FAM227B: variants seen among roughly 807,000 people sequenced by gnomAD.
FAM227B encodes the protein family with sequence similarity 227 member B, also known as protein FAM227B.
In FAM227B, 88 loss-of-function variants were observed where a neutral mutation model predicts 73.8. The observed-to-expected ratio is 1.19, with a 90% CI of 1.00 to 1.42. FAM227B has a LOEUF of 1.42. Ranked by LOEUF, FAM227B falls within the 40% of genes most tolerant of loss-of-function variation. The pLI is 0.00. For synonymous variants in FAM227B, 210 were observed against 190.5 expected (o/e 1.10, Z -0.84); for missense variants, 632 against 590.9 (o/e 1.07, Z -0.72).
intron 11 of FAM227B, among the ~76,000 whole-genome samples, chr15:49,490,317 C>T (rs1027289128): frequency 1.3e-5 from 2 of 151,754 alleles, no homozygotes. Flanking sequence ...CAAAAGTTCT[C>T]CCTCCCCCAC....
intron 11 of FAM227B, among the ~76,000 whole-genome samples, chr15:49,438,568 T>C (rs1435180807): frequency 1.3e-5 from 2 of 151,680 alleles, no homozygotes; most frequent in Non-Finnish European, 3.0e-5. Context: ...ATACACATTA[T>C]ATATAGCATA....
intron 12 of FAM227B, among the ~76,000 whole-genome samples, chr15:49,370,550 T>C (rs987803951): frequency 1.3e-5 from 2 of 152,232 alleles, no homozygotes; most frequent in African/African-American, 4.8e-5. Flanking sequence ...GAAGATATTT[T>C]ATTAAACTTG....
At chr15:49,367,694 TAA>T in intron 12 of FAM227B, 86 bp from the exon 13 acceptor site, 1 of 1,235,020 alleles carries the variant, frequency 8.1e-7, no homozygotes, top group Non-Finnish European at 1.1e-6. Context: ...ATATTTAGCA[TAA>T]AGTTACCATT....
intron 10 of FAM227B, among the ~76,000 whole-genome samples, chr15:49,525,657 G>T (rs2060112890): frequency 1.2e-5 from 1 of 80,058 alleles, no homozygotes. Context: ...AAAGTTAAAG[G>T]GTGGAGAAAT....
At chr15:49,512,631 G>A (rs2059091114) in intron 10 of FAM227B, among the ~76,000 whole-genome samples, 1 of 152,070 alleles carries the variant, frequency 6.6e-6, no homozygotes, top group East Asian at 1.9e-4. Flanking sequence ...AGAATGTGCA[G>A]GTTTGTTACA....
rs1347550479 is a variant in FAM227B, at chr15:49,544,298, T to C, written c.748-2492A>G. ...AAAACGGACTGAGTTCTTCATTTGA[T>C]TCTCAGCTTGGTTGTTGTTGGTGTA... On this transcript the variant is annotated intron_variant, in intron 9 of 15. Transcript: ENST00000299338. 3.3e-5 allele frequency among the ~76,000 whole-genome samples: 5 copies of C among 152,178 alleles called. No individual in the cohort carries two copies. In the East Asian group the frequency reaches 7.7e-4, roughly 23 times the overall value.
At position 49,400,389 on chromosome 15, in the gene FAM227B, T is replaced by C. The variant is rs1031896895; in HGVS notation, c.1013-28990A>G. ...TGGAAGAACATTCCATGCTCATGGG[T>C]AGGAAGAATCAATATCGTGAAAATG... On this transcript the variant is annotated intron_variant, in intron 11 of 15. Transcript: ENST00000299338. 2.3e-4 allele frequency among the ~76,000 whole-genome samples: 25 copies of C among 108,828 alleles called. No individual in the cohort carries two copies. In the East Asian group the frequency reaches 5.9e-3, roughly 25 times the overall value. The allele number at this position is 108,828 out of a possible 152,430, so 71.4% of individuals were successfully genotyped here. A position where few individuals can be genotyped will look rare whatever the true frequency, so the allele number is the denominator to read the frequency against.
At chr15:49,409,248 C>T (rs897780341) in intron 11 of FAM227B, among the ~76,000 whole-genome samples, 6 of 151,980 alleles carry the variant, frequency 3.9e-5, no homozygotes, top group South Asian at 2.1e-4. Flanking sequence ...CTTTAAGATG[C>T]GGCACACTTG....
chr15:49,351,772 G>A (rs750108679), intron 13 of FAM227B, among the ~76,000 whole-genome samples: 12 of 152,156 alleles, frequency 7.9e-5, no homozygotes, highest in African/African-American at 1.2e-4. Flanking sequence ...AGGGAGGTCT[G>A]AAGCTCAGAT....
In FAM227B at chr15:49,350,794, GCTCT is replaced by G. The variant is rs1187950313; in HGVS notation, c.1272-15302_1272-15299del. On this transcript the variant is annotated intron_variant, in intron 13 of 15. Coordinates refer to ENST00000299338, the MANE Select transcript of FAM227B (RefSeq NM_152647.3). The stretch of plus-strand genomic sequence containing the variant: ...ATATGACTTTTCCTTTCCTAACAGT[GCTCT>G]CTAAGATATGCGAGCCAAAGACAAA... Among the ~76,000 whole-genome samples the G allele has an allele frequency of 9.2e-5, 14 of 152,184 alleles. 1 individual carries two copies. Among genetic ancestry groups the G allele is most frequent in the African/African-American group, 2.9e-4 (12 of 41,532 alleles).
chr15:49,538,248 G>A (rs754157622), intron 10 of FAM227B, among the ~76,000 whole-genome samples: 2 of 152,046 alleles, frequency 1.3e-5, no homozygotes, highest in African/African-American at 4.8e-5. Flanking sequence ...CTCTACCACC[G>A]CCAAGACCAA....
rs2037783805 is a variant in FAM227B at position 49,327,838 on chromosome 15, C to A, written c.*730G>T. 3.2e-6 allele frequency: 3 copies of A among 945,604 alleles called. No homozygotes were observed. The highest frequency in any genetic ancestry group is 4.6e-6 in the Non-Finnish European group (3 of 646,128). 58.6% of individuals were successfully genotyped at this position (945,604 alleles called of 1,614,324 possible). On this transcript the variant is annotated 3_prime_UTR_variant, in exon 16 of 16. Coordinates refer to ENST00000299338, the MANE Select transcript of FAM227B (RefSeq NM_152647.3). ...TAAAATGTTTGATGACACCTAAAAA[C>A]CCCGCATGTATTTTCTTCTTAGAAC...
intron 9 of FAM227B, among the ~76,000 whole-genome samples, chr15:49,546,005 C>T (rs553163434): frequency 5.3e-5 from 8 of 150,494 alleles, no homozygotes; most frequent in South Asian, 4.2e-4. Flanking sequence ...ATGTGCACAA[C>T]GTGCAGGTTT....
At chr15:49,420,777 C>G (rs2049558364) in intron 11 of FAM227B, among the ~76,000 whole-genome samples, 2 of 152,182 alleles carry the variant, frequency 1.3e-5, no homozygotes, top group South Asian at 4.1e-4. Flanking sequence ...GCGATCTCTG[C>G]TCACTGCAAG....
intron 11 of FAM227B, among the ~76,000 whole-genome samples, chr15:49,404,105 T>C (rs1304091729): frequency 6.6e-6 from 1 of 152,192 alleles, no homozygotes; most frequent in African/African-American, 2.4e-5. Context: ...CTAACTGTAT[T>C]GTGCTGTGTG....
At chr15:49,353,213 T>C (rs6493364) in intron 13 of FAM227B, among the ~76,000 whole-genome samples, 42,250 of 152,078 alleles carry the variant, frequency 0.28, 6,398 homozygotes, top group East Asian at 0.43. Context: ...ATCTGCTTAA[T>C]ATGAATGGAG....
intron 11 of FAM227B, among the ~76,000 whole-genome samples, chr15:49,499,754 A>G (rs11858411): frequency 0.25 from 37,938 of 152,132 alleles, 5,692 homozygotes; most frequent in Non-Finnish European, 0.35. Context: ...TTCCAAGATA[A>G]TTCGATGAGG....
chr15:49,505,969 A>G lies in FAM227B; in HGVS notation c.1012+2242T>C, dbSNP rs558274825. The stretch of plus-strand genomic sequence containing the variant: ...ATACGATGTGAACCATAAGCATAGG[A>G]AAACTGAAGTGTCTATATTAAGATT... On this transcript the variant is annotated intron_variant, in intron 11 of 15. Coordinates refer to ENST00000299338, the MANE Select transcript of FAM227B (RefSeq NM_152647.3). Among the ~76,000 whole-genome samples the G allele has an allele frequency of 4.3e-4, 65 of 152,130 alleles. 1 individual carries two copies. The South Asian group carries it at 0.013, about 31-fold the overall frequency.
intron 12 of FAM227B, among the ~76,000 whole-genome samples, chr15:49,368,824 C>T (rs2045567656): frequency 6.6e-6 from 1 of 152,118 alleles, no homozygotes; most frequent in Non-Finnish European, 1.5e-5. Context: ...CTGCAGTTAT[C>T]AGTTATTAAG....
Sources: gnomAD v4.1 joint callset for allele counts (sites outside exome capture counted in the v4.1 genomes callset) on GRCh38, gnomAD v4.1.1 for gene constraint, MANE v1.5 for transcripts, NCBI Gene and HGNC (gene_info 2026-07-23, HGNC 2026-07-21) for gene names.